The following PATJ variants were observed in gnomAD, a reference collection of about 807,000 sequenced individuals.
PATJ encodes the protein PATJ crumbs cell polarity complex component.
A neutral mutation model predicts 224.9 loss-of-function variants in PATJ; 190 were observed. The observed-to-expected ratio is 0.84, with a 90% CI of 0.75 to 0.95. The LOEUF is 0.95. Ranked by LOEUF, PATJ falls within the 40% of genes least tolerant of loss-of-function variation. The pLI, the probability that PATJ is intolerant of heterozygous loss-of-function variation, is 0.00. For synonymous variants in PATJ, 769 were observed against 820.3 expected, an observed-to-expected ratio of 0.94 and a Z score of 1.07; for missense variants, 2,121 against 2,270.3, an observed-to-expected ratio of 0.93 and a Z score of 1.34.
intron 34 of PATJ, among the ~76,000 whole-genome samples, chr1:62,111,663 C>T (rs897884941): frequency 2.8e-5 from 4 of 142,376 alleles, no homozygotes; most frequent in Non-Finnish European, 4.6e-5. Context: ...AACCCATGTT[C>T]TTTTTTTTTT....
At chr1:61,871,867 T>G (rs1395940162) in intron 20 of PATJ, among the ~76,000 whole-genome samples, 1 of 149,312 alleles carries the variant, frequency 6.7e-6, no homozygotes, top group East Asian at 2.0e-4. Flanking sequence ...TCTGGCTTTT[T>G]TTTTTTTTTT....
Position 62,017,853 on chromosome 1 carries a change from C to T in PATJ, c.3868-3C>T, listed in dbSNP as rs766158624. The T allele has an allele frequency of 6.3e-7, 1 of 1,575,582 alleles. No individual in the cohort carries two copies. Among genetic ancestry groups the T allele is most frequent in the Non-Finnish European group, 8.7e-7 (1 of 1,146,620 alleles). ...TTAGTACATTGTGGTTTTTCCCAAA[C>T]AGATAAACAATCAGATTCTGTATGG... On this transcript the variant is annotated splice_region_variant and splice_polypyrimidine_tract_variant and intron_variant, in intron 28 of 43. Coordinates refer to ENST00000642238, the MANE Select transcript of PATJ (RefSeq NM_001350145.3).
At chr1:62,044,602 A>G (rs1225636529) in intron 30 of PATJ, among the ~76,000 whole-genome samples, 1 of 152,192 alleles carries the variant, frequency 6.6e-6, no homozygotes, top group Non-Finnish European at 1.5e-5. Flanking sequence ...TCTTCAATAC[A>G]AACAAGGACC....
intron 28 of PATJ, among the ~76,000 whole-genome samples, chr1:62,007,452 A>T (rs1646160675): frequency 6.6e-6 from 1 of 152,168 alleles, no homozygotes; most frequent in South Asian, 2.1e-4. Context: ...CTTCTTTTGT[A>T]TCTTTTTGGA....
chr1:61,855,548 C>T (rs1294301508), intron 17 of PATJ, among the ~76,000 whole-genome samples: 1 of 151,958 alleles, frequency 6.6e-6, no homozygotes. Flanking sequence ...CCTGGTAGTT[C>T]GGACTACAAA....
chr1:61,782,559 T>C (rs2148451452), intron 7 of PATJ, among the ~76,000 whole-genome samples: 1 of 152,336 alleles, frequency 6.6e-6, no homozygotes. Context: ...TAGCATTTAT[T>C]TATTTTAAAA....
At chr1:62,016,137 A>C (rs925065529) in intron 28 of PATJ, among the ~76,000 whole-genome samples, 2 of 152,208 alleles carry the variant, frequency 1.3e-5, no homozygotes, top group Non-Finnish European at 2.9e-5. Context: ...AATAAGAGGC[A>C]GAGTGAGGAG....
chr1:61,990,254 C>A lies in PATJ; in HGVS notation c.3757C>A (p.Leu1253Ile). 1.2e-6 allele frequency: 2 copies of A among 1,613,948 alleles called. No homozygotes were observed. The highest frequency in any genetic ancestry group is 8.5e-7 in the Non-Finnish European group (1 of 1,179,900). Residue 1253 changes from leucine (L) to isoleucine (I), a missense_variant, in exon 28 of 44, where the codon CTT (leucine) becomes ATT (isoleucine). By Grantham distance (5) the Leu-to-Ile change is conservative. Coordinates refer to ENST00000642238, the MANE Select transcript of PATJ (RefSeq NM_001350145.3). ...AGATAAGAATGGACTTGGACTCAGC[C>A]TTGCTGGTAATAAAGACCGATCACG... is the stretch of plus-strand genomic sequence containing the variant. ...EKDKNGLGLS[L>I]AGNKDRSRMS...
At chr1:61,944,452 G>A (rs1007364291) in intron 27 of PATJ, among the ~76,000 whole-genome samples, 5 of 152,152 alleles carry the variant, frequency 3.3e-5, no homozygotes, top group Non-Finnish European at 5.9e-5. Flanking sequence ...TAGCCGATTT[G>A]ATCAAGTGGA....
intron 4 of PATJ, among the ~76,000 whole-genome samples, chr1:61,767,609 A>AT (rs1236953048): frequency 6.6e-6 from 1 of 152,076 alleles, no homozygotes; most frequent in African/African-American, 2.4e-5. Flanking sequence ...AGGTGTGATA[A>AT]TTAAATAATA....
chr1:62,018,522 T>C lies in PATJ; in HGVS notation c.3959+575T>C, dbSNP rs1320948540. On this transcript the variant is annotated intron_variant, in intron 29 of 43. Coordinates refer to ENST00000642238, the MANE Select transcript of PATJ (RefSeq NM_001350145.3). This position sits in a 1 kb window ranked among gnomAD's most constrained non-coding sequence, Gnocchi z 4.2. Reference sequence around the variant, plus strand: ...GGAATCTTACTGTTTGTAGTCAACATTGCCACATTAGCAATAGAAATGAGG... The same window carrying C: ...GGAATCTTACTGTTTGTAGTCAACACTGCCACATTAGCAATAGAAATGAGG... Among the ~76,000 whole-genome samples, 2 of 152,196 alleles carry C rather than the reference T, an allele frequency of 1.3e-5. No homozygotes were observed. Among genetic ancestry groups the C allele is most frequent in the African/African-American group, 2.4e-5 (1 of 41,460 alleles).
intron 26 of PATJ, among the ~76,000 whole-genome samples, chr1:61,920,421 C>T (rs1190658304): frequency 1.3e-5 from 2 of 152,112 alleles, no homozygotes; most frequent in African/African-American, 4.8e-5. Context: ...TTGCCTGCCA[C>T]CATCCACATA....
chr1:62,138,078 T>A (rs1667139393), intron 41 of PATJ, among the ~76,000 whole-genome samples: 1 of 152,154 alleles, frequency 6.6e-6, no homozygotes, highest in African/African-American at 2.4e-5. Context: ...GGTCGGCAAT[T>A]ACTAAATATT....
intron 31 of PATJ, chr1:62,073,135 G>C: frequency 1.2e-5 from 12 of 985,418 alleles, no homozygotes; most frequent in Non-Finnish European, 1.4e-5. Context: ...TTCTGGGGTT[G>C]CGTGCGTTAT....
intron 33 of PATJ, among the ~76,000 whole-genome samples, chr1:62,102,667 A>G (rs1403764335): frequency 1.3e-5 from 2 of 151,966 alleles, no homozygotes; most frequent in African/African-American, 2.4e-5. Context: ...AGCCTGGGCA[A>G]CAAGGCAAAA....
Position 61,790,523 on chromosome 1 carries a change from T to TG in PATJ, c.1069-825_1069-824insG, listed in dbSNP as rs995650969. The stretch of plus-strand genomic sequence containing the variant: ...TTCTTCTTCTTTTTTTTGTTTTTTT[T>TG]TTTTGTTTGAGACAGAGTCTTGCTC... On this transcript the variant is annotated intron_variant, in intron 8 of 43. Transcript: ENST00000642238. 2.0e-5 allele frequency among the ~76,000 whole-genome samples: 3 copies of TG among 146,626 alleles called. No homozygotes were observed. In the East Asian group the frequency reaches 6.0e-4, roughly 30 times the overall value.
At chr1:62,140,482 G>A (rs1444607442) in intron 41 of PATJ, among the ~76,000 whole-genome samples, 1 of 151,898 alleles carries the variant, frequency 6.6e-6, no homozygotes, top group Non-Finnish European at 1.5e-5. Flanking sequence ...GTGAAACCCC[G>A]TCTCTACTAA....
intron 33 of PATJ, chr1:62,100,392 C>A (rs1436719752): frequency 1.4e-6 from 1 of 718,246 alleles, no homozygotes; most frequent in African/African-American, 1.7e-5. Context: ...CATCCTGTGA[C>A]AGAAGTTGAA....
At chr1:61,952,016 T>C (rs962251557) in intron 27 of PATJ, 5 of 216,486 alleles carry the variant, frequency 2.3e-5, no homozygotes, top group Non-Finnish European at 2.7e-5. Context: ...TGTTCTGAAA[T>C]AGAGCTATTA....
Sources: gnomAD v4.1 joint callset for allele counts (sites outside exome capture counted in the v4.1 genomes callset) on GRCh38, gnomAD v4.1.1 for gene constraint, Gnocchi (gnomAD v3.1) non-coding constraint, MANE v1.5 for transcripts, NCBI Gene and HGNC (gene_info 2026-07-23, HGNC 2026-07-21) for gene names.